Variants in ZNF207 observed in about 807,000 individuals in gnomAD.
The protein encoded by ZNF207 is BUB3-interacting and GLEBS motif-containing protein ZNF207.
Under a neutral mutation model 60.2 loss-of-function variants are expected in ZNF207, and 24 were observed. The ratio of observed to expected loss-of-function variants is 0.40; its 90% CI spans 0.29 to 0.56. The LOEUF is 0.56. Ranked by LOEUF, ZNF207 falls within the 20% of genes least tolerant of loss-of-function variation. The probability of loss-of-function intolerance (pLI) is 0.49; values close to 1 mark genes in which losing one functional copy is unlikely to be tolerated. For synonymous variants in ZNF207, 236 were observed against 194.7 expected (o/e 1.21, Z -1.77); for missense variants, 452 against 636.6 (o/e 0.71, Z 3.12).
chr17:32,355,942 G>A (rs1904482388), intron 2 of ZNF207, among the ~76,000 whole-genome samples: 1 of 152,160 alleles, frequency 6.6e-6, no homozygotes, highest in Admixed American at 6.5e-5. Flanking sequence ...ACAGGGAGAG[G>A]AAGCGAAGGC....
rs1368307791 is a variant in ZNF207, at chr17:32,369,900, A to G, written c.*141A>G. 5.1e-6 allele frequency: 5 copies of G among 989,082 alleles called. No homozygotes were observed. The highest frequency in any genetic ancestry group is 5.0e-5 in the African/African-American group (3 of 59,688). The allele number at this position is 989,082 out of a possible 1,614,324, so 61.3% of individuals were successfully genotyped here. On this transcript the variant is annotated 3_prime_UTR_variant, in exon 12 of 12. Coordinates refer to ENST00000394670, the MANE Select transcript of ZNF207 (RefSeq NM_001098507.2). ...TCCCACATACCAGGAACTATTGGACATTTATTTTACATGGGAAAAATTATT... is the reference window on the plus strand; with the variant it reads ...TCCCACATACCAGGAACTATTGGACGTTTATTTTACATGGGAAAAATTATT...
At chr17:32,367,076 A>G (rs1406923868) in intron 9 of ZNF207, among the ~76,000 whole-genome samples, 2 of 151,582 alleles carry the variant, frequency 1.3e-5, no homozygotes, top group Non-Finnish European at 2.9e-5. Flanking sequence ...AAGAAAATTT[A>G]ATACTGCTTT....
chr17:32,351,287 C>A, intron 1 of ZNF207: 1 of 273,946 alleles, frequency 3.7e-6, no homozygotes, highest in Non-Finnish European at 5.9e-6. Flanking sequence ...GAATTGGAAA[C>A]AACTTTATGG....
At chr17:32,361,650 A>AATT (rs1444008744) in intron 6 of ZNF207, 135 bp downstream of exon 6, 12 of 667,292 alleles carry the variant, frequency 1.8e-5, no homozygotes, top group Non-Finnish European at 2.9e-5. Context: ...CAAGCTAATT[A>AATT]ACACAGGTCT....
chr17:32,355,206 G>T (rs1292618787), intron 2 of ZNF207, among the ~76,000 whole-genome samples: 1 of 152,080 alleles, frequency 6.6e-6, no homozygotes, highest in Non-Finnish European at 1.5e-5. Flanking sequence ...ACTAGCCTGG[G>T]CAATATAATG....
intron 1 of ZNF207, chr17:32,350,990 ACT>A (rs980290573): frequency 6.6e-6 from 1 of 150,826 alleles, no homozygotes; most frequent in Non-Finnish European, 1.5e-5. Context: ...TATTAGGAAA[ACT>A]CTTACTACAG....
intron 6 of ZNF207, among the ~76,000 whole-genome samples, chr17:32,362,135 T>C (rs1045808507): frequency 6.9e-6 from 1 of 145,420 alleles, no homozygotes; most frequent in African/African-American, 2.6e-5. Context: ...AAAAAAAGTG[T>C]GTGTGTGTGT....
At chr17:32,368,057 G>C in intron 10 of ZNF207, 43 bp downstream of exon 10, 1 of 1,608,050 alleles carries the variant, frequency 6.2e-7, no homozygotes, top group South Asian at 1.1e-5. Flanking sequence ...TTGATTTAAA[G>C]CCATTATAGC....
chr17:32,357,339 A>ATTTTT lies in ZNF207; in HGVS notation c.169-1162_169-1161insTTTTT, dbSNP rs1405292203. ...TATTATTATTATTATTATTATTATT[A>ATTTTT]TTATTATTATTATTTTTTTTTTTTT... is the stretch of plus-strand genomic sequence containing the variant. On this transcript the variant is annotated intron_variant, in intron 2 of 11. Coordinates refer to ENST00000394670, the MANE Select transcript of ZNF207 (RefSeq NM_001098507.2). Among the ~76,000 whole-genome samples the ATTTTT allele has an allele frequency of 3.2e-4, 26 of 81,890 alleles. 2 individuals are homozygous for ATTTTT. The highest frequency in any genetic ancestry group is 1.5e-3 in the African/African-American group (24 of 16,182). 53.7% of individuals were successfully genotyped at this position (81,890 alleles called of 152,430 possible).
At position 32,369,974 on chromosome 17, in the gene ZNF207, T is replaced by C; in HGVS notation, c.*215T>C. On this transcript the variant is annotated 3_prime_UTR_variant, in exon 12 of 12. Coordinates refer to ENST00000394670, the MANE Select transcript of ZNF207 (RefSeq NM_001098507.2). ...TCCTGAAGTTGCAATTTATACTGTATGGCTTCTTTTTCATGTTTCATCTAG... is the reference window on the plus strand; with the variant it reads ...TCCTGAAGTTGCAATTTATACTGTACGGCTTCTTTTTCATGTTTCATCTAG... 2.3e-6 allele frequency: 1 copy of C among 440,562 alleles called. No homozygotes were observed. Among genetic ancestry groups the C allele is most frequent in the Non-Finnish European group, 3.7e-6 (1 of 273,012 alleles). 27.3% of individuals were successfully genotyped at this position (440,562 alleles called of 1,614,324 possible). A position where few individuals can be genotyped will look rare whatever the true frequency, so the allele number is the denominator to read the frequency against.
At chr17:32,360,519 A>G in intron 3 of ZNF207, 79 bp from the exon 4 acceptor site, 1 of 1,322,870 alleles carries the variant, frequency 7.6e-7, no homozygotes, top group Non-Finnish European at 1.0e-6. Context: ...TTACCCATAT[A>G]TGTATTTTTA....
At chr17:32,352,338 A>G (rs1034580410) in intron 2 of ZNF207, among the ~76,000 whole-genome samples, 4 of 152,170 alleles carry the variant, frequency 2.6e-5, no homozygotes, top group African/African-American at 9.7e-5. Context: ...ACTTACTGCA[A>G]AAGATAAGAT....
chr17:32,367,282 T>TATATATATATATATAA (rs1445385221), intron 9 of ZNF207, among the ~76,000 whole-genome samples: 6,500 of 82,682 alleles, frequency 0.079, 436 homozygotes, highest in Non-Finnish European at 0.11. Context: ...TATATATATA[T>TATATATATATATATAA]ATAAAGAATA....
At chr17:32,368,121 G>T (rs1401404959) in intron 10 of ZNF207, 107 bp downstream of exon 10, 2 of 1,466,602 alleles carry the variant, frequency 1.4e-6, no homozygotes, top group Admixed American at 4.3e-5. Flanking sequence ...CTGTGATCTG[G>T]TTTAATGCTC....
At chr17:32,364,657 C>G (rs922161684) in intron 7 of ZNF207, among the ~76,000 whole-genome samples, 1 of 152,066 alleles carries the variant, frequency 6.6e-6, no homozygotes, top group African/African-American at 2.4e-5. Context: ...TGTGCCCGGC[C>G]CTAGCCTGCG....
chr17:32,366,712 A>C lies in ZNF207; in HGVS notation c.876A>C (p.Glu292Asp). The C allele has an allele frequency of 2.5e-6, 4 of 1,611,748 alleles. No homozygotes were observed. In the South Asian group the frequency reaches 3.3e-5, roughly 13 times the overall value. The change falls in exon 9 of 12, where the codon GAA (glutamate) becomes GAC (aspartate). Residue 292 changes from glutamate to aspartate, a missense_variant. Physicochemically the swap from Glu to Asp is conservative, Grantham distance 45. Around this residue, in one of 2 missense-constraint regions of ZNF207, gnomAD observed 390 missense variants for 461.4 expected, o/e 0.85. Coordinates refer to ENST00000394670, the MANE Select transcript of ZNF207 (RefSeq NM_001098507.2). ...CAAGTACAGCTTCATCCAATTCAGA[A>C]AGTCTGTCTGCATCTTCTAAAGCTC... Reference protein sequence around the residue: ...TSSSTASSNSESLSASSKALF... With the variant: ...TSSSTASSNSDSLSASSKALF...
intron 2 of ZNF207, among the ~76,000 whole-genome samples, chr17:32,357,342 A>ATTTTATTTTATT (rs1364261997): frequency 1.6e-5 from 1 of 64,422 alleles, no homozygotes; most frequent in African/African-American, 8.7e-5. Flanking sequence ...TATTATTATT[A>ATTTTATTTTATT]TTATTATTAT....
chr17:32,358,341 C>G (rs1904667371), intron 2 of ZNF207, among the ~76,000 whole-genome samples, 162 bp from the exon 3 acceptor site: 2 of 152,190 alleles, frequency 1.3e-5, no homozygotes, highest in South Asian at 4.1e-4. Context: ...CTTAGAAGTT[C>G]ACTGACATGC....
Position 32,373,302 on chromosome 17 carries a change from TG to T in ZNF207, c.*3544del. 1.7e-6 allele frequency: 1 copy of T among 598,952 alleles called. No individual in the cohort carries two copies. The highest frequency in any genetic ancestry group is 3.0e-6 in the Non-Finnish European group (1 of 333,694). The allele number at this position is 598,952 out of a possible 1,614,324, so 37.1% of individuals were successfully genotyped here. On this transcript the variant is annotated 3_prime_UTR_variant, in exon 12 of 12. Transcript: ENST00000394670. ...AACAAAGCTGCTCCTTTTGCTTGCT[TG>T]ATCATTGGGATTTTTAAAAAAAAAA...
Sources: allele counts gnomAD v4.1 joint callset (sites outside exome capture counted in the v4.1 genomes callset), GRCh38; gene constraint gnomAD v4.1.1; regional missense constraint gnomAD v4.1.1; transcripts MANE v1.5; gene names NCBI Gene and HGNC (gene_info 2026-07-23, HGNC 2026-07-21).